C6orf132: variants seen among roughly 807,000 people sequenced by gnomAD.
C6orf132 encodes uncharacterized protein C6orf132.
Under a neutral mutation model 65.3 loss-of-function variants are expected in C6orf132, and 43 were observed. The ratio of observed to expected loss-of-function variants is 0.66; its 90% CI spans 0.52 to 0.85. The LOEUF is 0.85. Among genes scored for constraint, C6orf132 ranks in the 40% least tolerant of loss-of-function variants. C6orf132 has a pLI of 0.00. For synonymous variants in C6orf132, 631 were observed against 654.1 expected, an observed-to-expected ratio of 0.96 and a Z score of 0.54; for missense variants, 1,488 against 1,548.8, an observed-to-expected ratio of 0.96 and a Z score of 0.66.
chr6:42,132,524 T>TAATAAG (rs1343478144), intron 1 of C6orf132, among the ~76,000 whole-genome samples: 4 of 143,578 alleles, frequency 2.8e-5, no homozygotes, highest in African/African-American at 1.1e-4. Context: ...CAAAAAATAA[T>TAATAAG]AAGAAGAAGA....
chr6:42,135,263 G>A (rs1268384840), intron 1 of C6orf132, among the ~76,000 whole-genome samples: 6 of 152,242 alleles, frequency 3.9e-5, no homozygotes, highest in Non-Finnish European at 1.5e-5. Context: ...GCAACCCAGA[G>A]TGGGAGAGGC....
rs1329885863 is a variant in C6orf132, at chr6:42,105,049, G to T, written c.2863C>A (p.Pro955Thr). The T allele has an allele frequency of 6.5e-7, 1 of 1,536,750 alleles. No individual in the cohort carries two copies. Among genetic ancestry groups the T allele is most frequent in the South Asian group, 1.2e-5 (1 of 84,030 alleles). Residue 955 changes from proline (P) to threonine (T), a missense_variant, in exon 4 of 5, where the codon CCC becomes ACC. Physicochemically the swap from Pro to Thr is conservative, Grantham distance 38 (BLOSUM62 -1). Coordinates refer to ENST00000341865, the MANE Select transcript of C6orf132 (RefSeq NM_001164446.3). ...GACTTGGGCAGCGGGTGGCCCTGGGGGAGGTTGGAGGGAGCTACTCTTTCC... is the reference window on the plus strand; with the variant it reads ...GACTTGGGCAGCGGGTGGCCCTGGGTGAGGTTGGAGGGAGCTACTCTTTCC... ...AWERVAPSNLPQGHPLPKSFS... is the reference protein window; with the variant it reads ...AWERVAPSNLTQGHPLPKSFS...
intron 2 of C6orf132, chr6:42,126,801 C>T (rs1172117675): frequency 4.6e-6 from 2 of 432,644 alleles, no homozygotes; most frequent in East Asian, 3.5e-5. Flanking sequence ...CGAGATCACG[C>T]CATTGTACCA....
At chr6:42,140,085 CGGAAACACT>C (rs1554183476) in intron 1 of C6orf132, among the ~76,000 whole-genome samples, 1 of 152,228 alleles carries the variant, frequency 6.6e-6, no homozygotes, top group Non-Finnish European at 1.5e-5. Context: ...GGGAACACCC[CGGAAACACT>C]GAGGCGCTGT....
At position 42,120,468 on chromosome 6, in the gene C6orf132, G is replaced by A. The variant is rs982414251; in HGVS notation, c.252+8204C>T. Among the ~76,000 whole-genome samples the A allele has an allele frequency of 1.5e-4, 22 of 151,666 alleles. No homozygotes were observed. The South Asian group carries it at 2.5e-3, about 17-fold the overall frequency. On this transcript the variant is annotated intron_variant, in intron 2 of 4. Transcript: ENST00000341865. ...TCACCGTGTTAGCCAGGATGGTCTCGATCTCCTGACCTCATGATCCGCCCG... is the reference window on the plus strand; with the variant it reads ...TCACCGTGTTAGCCAGGATGGTCTCAATCTCCTGACCTCATGATCCGCCCG...
At chr6:42,142,224 C>T in intron 1 of C6orf132, 76 bp downstream of exon 1, 1 of 1,476,632 alleles carries the variant, frequency 6.8e-7, no homozygotes, top group Non-Finnish European at 9.1e-7. Flanking sequence ...TCCGCGCCTC[C>T]AGGAGACAGC....
Position 42,128,745 on chromosome 6 carries a change from G to C in C6orf132, c.179C>G (p.Thr60Arg). ...GIYYGDNRFN[T>R]VSESGTATLK... ...CGTGGCTGTTCCTGACTCGCTCACT[G>C]TGTTAAACCGATTGTCTCCATAATA... Residue 60 changes from threonine (T) to arginine (R), a missense_variant, in exon 2 of 5, where the codon ACA becomes AGA. By Grantham distance (71) the Thr-to-Arg change is moderately conservative. Coordinates refer to ENST00000341865, the MANE Select transcript of C6orf132 (RefSeq NM_001164446.3). 4.5e-6 allele frequency: 7 copies of C among 1,551,554 alleles called. No individual in the cohort carries two copies. Among genetic ancestry groups the C allele is most frequent in the Non-Finnish European group, 6.1e-6 (7 of 1,146,936 alleles).
intron 2 of C6orf132, among the ~76,000 whole-genome samples, chr6:42,111,123 A>ATT (rs372575485): frequency 6.7e-6 from 1 of 149,784 alleles, no homozygotes; most frequent in African/African-American, 2.5e-5. Flanking sequence ...ATGAACTTGA[A>ATT]TTTTTTTTTG....
At chr6:42,112,980 C>CT (rs5875790) in intron 2 of C6orf132, among the ~76,000 whole-genome samples, 20,355 of 150,406 alleles carry the variant, frequency 0.14, 1,385 homozygotes, top group Middle Eastern at 0.2. Context: ...ATCAACTTGT[C>CT]TTTTTTTTTT....
Position 42,104,666 on chromosome 6 carries a change from G to C in C6orf132, c.3246C>G (p.Thr1082=). 1 of 1,495,584 alleles carries C rather than the reference G, an allele frequency of 6.7e-7. No individual in the cohort carries two copies. Among genetic ancestry groups the C allele is most frequent in the South Asian group, 1.3e-5 (1 of 79,802 alleles). 92.6% of individuals were successfully genotyped at this position (1,495,584 alleles called of 1,614,324 possible). A position where few individuals can be genotyped will look rare whatever the true frequency, so the allele number is the denominator to read the frequency against. Residue 1082 remains threonine (T), a synonymous_variant, in exon 4 of 5, where the codon ACC becomes ACG. Coordinates refer to ENST00000341865, the MANE Select transcript of C6orf132 (RefSeq NM_001164446.3). This position sits in a 1 kb window ranked among gnomAD's most constrained non-coding sequence, Gnocchi z 4.1. The stretch of plus-strand genomic sequence containing the variant: ...AGTTGGGAGAGCTCAGGCTGCGGCC[G>C]GTGCCACCGTGGGGTAGCCCTGGGC... ...HRGPGLPHGG[T]GRSLSSPNCF...
chr6:42,140,606 C>A (rs1020372333), intron 1 of C6orf132, among the ~76,000 whole-genome samples: 2 of 152,188 alleles, frequency 1.3e-5, no homozygotes, highest in African/African-American at 4.8e-5. Flanking sequence ...GATAATGGCA[C>A]AACTCTGTGT....
Position 42,106,194 on chromosome 6 carries a change from C to G in C6orf132, c.1718G>C (p.Arg573Pro), listed in dbSNP as rs530349343. The change falls in exon 4 of 5, where the codon CGG becomes CCG. Residue 573 changes from arginine to proline, a missense_variant. By Grantham distance (103) the Arg-to-Pro change is moderately radical. Transcript: ENST00000341865. ...VRQIRNELEA[R>P]LSSAAEKEAK... ...CTCCTTCTCTGCTGCTGAGGAGAGC[C>G]GGGCCTCCAGCTCATTCCGGATCTG... The G allele has an allele frequency of 1.6e-5, 24 of 1,537,216 alleles. No individual in the cohort carries two copies. The South Asian group carries it at 2.6e-4, about 17-fold the overall frequency.
intron 2 of C6orf132, among the ~76,000 whole-genome samples, chr6:42,122,485 A>C (rs1766703714): frequency 6.6e-6 from 1 of 152,140 alleles, no homozygotes; most frequent in Admixed American, 6.5e-5. Context: ...GGAGCTTTGG[A>C]GGTTCAGGCT....
At chr6:42,130,291 G>A (rs146475746) in intron 1 of C6orf132, among the ~76,000 whole-genome samples, 21 of 152,352 alleles carry the variant, frequency 1.4e-4, no homozygotes, top group Non-Finnish European at 1.2e-4. Context: ...GCCTGAGGCT[G>A]CAGACCAAGA....
chr6:42,119,906 A>G (rs61293596), intron 2 of C6orf132, among the ~76,000 whole-genome samples: 1 of 151,860 alleles, frequency 6.6e-6, no homozygotes, highest in African/African-American at 2.4e-5. Flanking sequence ...GACCAACCTG[A>G]CCAACATGGA....
At position 42,105,836 on chromosome 6, in the gene C6orf132, T is replaced by C; in HGVS notation, c.2076A>G (p.Ala692=). 1 of 1,537,292 alleles carries C rather than the reference T, an allele frequency of 6.5e-7. No homozygotes were observed. Among genetic ancestry groups the C allele is most frequent in the Admixed American group, 2.0e-5 (1 of 51,008 alleles). ...PLKATSGPAI[A]STATTLPTTT... is the part of the protein sequence containing the mutation. ...TGGTGGGCAGAGTTGTGGCTGTAGA[T>C]GCTATGGCAGGGCCAGATGTGGCCT... Residue 692 remains alanine (A), a synonymous_variant, in exon 4 of 5, where the codon GCA becomes GCG. Coordinates refer to ENST00000341865, the MANE Select transcript of C6orf132 (RefSeq NM_001164446.3).
intron 3 of C6orf132, among the ~76,000 whole-genome samples, chr6:42,109,076 C>T (rs1435474653): frequency 6.6e-6 from 1 of 152,174 alleles, no homozygotes; most frequent in Non-Finnish European, 1.5e-5. Flanking sequence ...ATTATTATCA[C>T]ATTAGAGGAT....
In C6orf132 at chr6:42,101,910, TCCCCCCAAAGGGAACTACTTTCTGGCTGG is replaced by T. The variant is rs1251738292; in HGVS notation, c.*1822_*1850del. ...CACAAATAATAAAGGTCCAACATCT[TCCCCCCAAAGGGAACTACTTTCTGGCTGG>T]CCCCCACCAGCCTGCTCCTCTGAAA... is the stretch of plus-strand genomic sequence containing the variant. On this transcript the variant is annotated 3_prime_UTR_variant, in exon 5 of 5. Transcript: ENST00000341865. 1 of 151,830 alleles carries T rather than the reference TCCCCCCAAAGGGAACTACTTTCTGGCTGG, an allele frequency of 6.6e-6. No individual in the cohort carries two copies. The highest frequency in any genetic ancestry group is 3.2e-3 in the Middle Eastern group (1 of 316). The allele number at this position is 151,830 out of a possible 1,614,324, so 9.4% of individuals were successfully genotyped here. A position where few individuals can be genotyped will look rare whatever the true frequency, so the allele number is the denominator to read the frequency against.
intron 2 of C6orf132, among the ~76,000 whole-genome samples, chr6:42,123,854 T>C (rs909642959): frequency 6.6e-5 from 10 of 152,140 alleles, no homozygotes; most frequent in African/African-American, 2.4e-4. Context: ...CTCTGAAGTT[T>C]GGTGGCTCAA....
Sources: gnomAD v4.1 joint callset for allele counts (sites outside exome capture counted in the v4.1 genomes callset) on GRCh38, gnomAD v4.1.1 for gene constraint, Gnocchi (gnomAD v3.1) non-coding constraint, MANE v1.5 for transcripts, NCBI Gene and HGNC (gene_info 2026-07-23, HGNC 2026-07-21) for gene names.